GPC6: variants seen among roughly 807,000 people sequenced by gnomAD.
GPC6 encodes the protein glypican-6.
GPC6 carries 14 observed loss-of-function variants against 55.2 expected under a neutral mutation model. The observed-to-expected ratio is 0.25, with a 90% confidence interval of 0.17 to 0.40. The LOEUF is 0.40. Among genes scored for constraint, GPC6 ranks in the 10% least tolerant of loss-of-function variants. The pLI is 1.00. For synonymous variants in GPC6, 278 were observed against 259.6 expected, an observed-to-expected ratio of 1.07 and a Z score of -0.68; for missense variants, 641 against 708.5, an observed-to-expected ratio of 0.90 and a Z score of 1.08.
At chr13:94,256,852 G>C (rs1441915254) in intron 4 of GPC6, among the ~76,000 whole-genome samples, 1 of 152,096 alleles carries the variant, frequency 6.6e-6, no homozygotes, top group Non-Finnish European at 1.5e-5. Flanking sequence ...AAGAAAGAAA[G>C]TTCTTTTTTA....
At chr13:93,262,474 AATTT>A (rs1877184303) in intron 1 of GPC6, among the ~76,000 whole-genome samples, 1 of 152,202 alleles carries the variant, frequency 6.6e-6, no homozygotes, top group Non-Finnish European at 1.5e-5. Flanking sequence ...CATTTTCAAA[AATTT>A]ATTTATGAAT....
intron 2 of GPC6, among the ~76,000 whole-genome samples, chr13:93,547,528 G>A (rs1323638303): frequency 6.6e-6 from 1 of 152,070 alleles, no homozygotes; most frequent in African/African-American, 2.4e-5. Context: ...AGGTATATAG[G>A]TATACTTTGA....
At chr13:93,318,102 T>C (rs926224834) in intron 1 of GPC6, among the ~76,000 whole-genome samples, 12 of 152,202 alleles carry the variant, frequency 7.9e-5, no homozygotes, top group African/African-American at 2.9e-4. Context: ...CATGGAGTGG[T>C]ACTTTACATT....
intron 2 of GPC6, among the ~76,000 whole-genome samples, chr13:93,582,158 T>C (rs562550345): frequency 1.3e-5 from 2 of 152,354 alleles, no homozygotes; most frequent in South Asian, 2.1e-4. Context: ...TTTTTAGTTT[T>C]AAATAACAAT....
intron 1 of GPC6, among the ~76,000 whole-genome samples, chr13:93,356,594 A>T (rs1880856833): frequency 6.6e-6 from 1 of 152,230 alleles, no homozygotes; most frequent in African/African-American, 2.4e-5. Context: ...TATGTCCAGT[A>T]AAAGTCACTC....
At chr13:93,901,415 T>G (rs9524274) in intron 3 of GPC6, among the ~76,000 whole-genome samples, 46,165 of 151,808 alleles carry the variant, frequency 0.3, 7,156 homozygotes, top group Non-Finnish European at 0.32. Context: ...ACTTTCATAA[T>G]GTTATGAAAA....
At chr13:93,769,220 A>T (rs1885214962) in intron 2 of GPC6, among the ~76,000 whole-genome samples, 1 of 152,180 alleles carries the variant, frequency 6.6e-6, no homozygotes, top group Admixed American at 6.6e-5. Flanking sequence ...CCATGTGAGA[A>T]CAGAAGGAAA....
At chr13:94,374,785 T>G (rs201632542) in intron 6 of GPC6, among the ~76,000 whole-genome samples, 11,772 of 126,134 alleles carry the variant, frequency 0.093, 608 homozygotes, top group East Asian at 0.26. Context: ...ACCACACCTA[T>G]TCCAAAATTG....
chr13:94,172,891 T>A (rs1334181242), intron 4 of GPC6, among the ~76,000 whole-genome samples: 2 of 152,206 alleles, frequency 1.3e-5, no homozygotes, highest in Non-Finnish European at 2.9e-5. Context: ...TGCCAATGAC[T>A]GTTCCTGGGC....
At chr13:93,318,612 A>G (rs1470047374) in intron 1 of GPC6, among the ~76,000 whole-genome samples, 3 of 152,130 alleles carry the variant, frequency 2.0e-5, no homozygotes. Flanking sequence ...AATACTATGA[A>G]TTTATGGATA....
intron 4 of GPC6, among the ~76,000 whole-genome samples, chr13:94,159,961 A>T (rs567920151): frequency 1.3e-5 from 2 of 152,286 alleles, no homozygotes; most frequent in African/African-American, 2.4e-5. Context: ...TTGGTGCTTT[A>T]TGACAGTTTA....
intron 3 of GPC6, among the ~76,000 whole-genome samples, chr13:93,845,621 G>A (rs1469376137): frequency 7.1e-6 from 1 of 141,310 alleles, no homozygotes; most frequent in African/African-American, 2.7e-5. Context: ...AAGAAAATGT[G>A]GCACATATAC....
chr13:93,483,601 T>A (rs1420675456), intron 1 of GPC6, among the ~76,000 whole-genome samples: 1 of 152,204 alleles, frequency 6.6e-6, no homozygotes, highest in East Asian at 1.9e-4. Context: ...TAAATTATTA[T>A]ATTTTAAAAT....
chr13:93,546,844 G>A (rs182429655), intron 2 of GPC6, among the ~76,000 whole-genome samples: 16 of 151,988 alleles, frequency 1.1e-4, no homozygotes, highest in African/African-American at 3.6e-4. Flanking sequence ...TGTGTCTCTG[G>A]GAAAACAAAC....
At chr13:94,013,242 G>A (rs550682466) in intron 3 of GPC6, among the ~76,000 whole-genome samples, 9 of 151,108 alleles carry the variant, frequency 6.0e-5, no homozygotes, top group East Asian at 5.8e-4. Context: ...ATATATGTCC[G>A]TTTATAATTT....
At chr13:94,116,967 G>A (rs991119380) in intron 4 of GPC6, among the ~76,000 whole-genome samples, 1 of 152,022 alleles carries the variant, frequency 6.6e-6, no homozygotes, top group African/African-American at 2.4e-5. Context: ...ACATAACAGA[G>A]TTTGGGGTTC....
intron 2 of GPC6, among the ~76,000 whole-genome samples, chr13:93,698,925 G>A (rs1882574026): frequency 6.6e-6 from 1 of 151,796 alleles, no homozygotes; most frequent in Non-Finnish European, 1.5e-5. Flanking sequence ...ATTTGAGGTG[G>A]GTGGCTTCTG....
At chr13:93,918,021 C>T (rs1004274916) in intron 3 of GPC6, among the ~76,000 whole-genome samples, 5 of 151,668 alleles carry the variant, frequency 3.3e-5, no homozygotes, top group Admixed American at 6.6e-5. Flanking sequence ...CACTTGAACC[C>T]GGGAGGCAGA....
chr13:94,205,067 A>G (rs1178695888), intron 4 of GPC6, among the ~76,000 whole-genome samples: 1 of 152,234 alleles, frequency 6.6e-6, no homozygotes, highest in Admixed American at 6.5e-5. Context: ...ATAGGAAGAC[A>G]TATGTAATGT....
Sources: gnomAD v4.1 joint callset for allele counts (sites outside exome capture counted in the v4.1 genomes callset) on GRCh38, gnomAD v4.1.1 for gene constraint, MANE v1.5 for transcripts, NCBI Gene and HGNC (gene_info 2026-07-23, HGNC 2026-07-21) for gene names.